BARX2: variants seen among roughly 807,000 people sequenced by gnomAD.
The protein encoded by BARX2 is BARX homeobox 2, also known as homeobox protein BarH-like 2.
Under a neutral mutation model 25.5 loss-of-function variants are expected in BARX2, and 11 were observed. The observed-to-expected ratio is 0.43, with a 90% CI of 0.27 to 0.71. The LOEUF is 0.71. BARX2 is among the 30% of genes least tolerant of loss of function. BARX2 has a pLI of 0.19. For missense variants in BARX2, 360 were observed against 359.9 expected (o/e 1.00, Z 0.00); for synonymous variants, 137 against 149.5 (o/e 0.92, Z 0.61).
intron 1 of BARX2, among the ~76,000 whole-genome samples, chr11:129,407,395 A>G (rs1481688237): frequency 1.3e-5 from 2 of 152,190 alleles, no homozygotes; most frequent in African/African-American, 2.4e-5. Flanking sequence ...TCCTTAGATG[A>G]CGTTGTTTCC....
chr11:129,438,740 T>A (rs1281386957), intron 2 of BARX2, among the ~76,000 whole-genome samples: 1 of 152,082 alleles, frequency 6.6e-6, no homozygotes, highest in African/African-American at 2.4e-5. Flanking sequence ...CAGAAAGGGA[T>A]CATGGGGAAG....
chr11:129,441,013 G>A (rs979254644), intron 2 of BARX2, among the ~76,000 whole-genome samples: 8 of 152,248 alleles, frequency 5.3e-5, no homozygotes, highest in African/African-American at 1.9e-4. Context: ...TGGCAGTGAG[G>A]CAGCTTATGT....
chr11:129,414,816 T>C, intron 1 of BARX2, among the ~76,000 whole-genome samples: 1 of 152,180 alleles, frequency 6.6e-6, no homozygotes. Context: ...CCCAAATACA[T>C]TATTACTAAT....
chr11:129,425,001 C>G (rs1287841054), intron 1 of BARX2, among the ~76,000 whole-genome samples: 2 of 152,176 alleles, frequency 1.3e-5, no homozygotes, highest in African/African-American at 4.8e-5. Context: ...TCTTCATTGT[C>G]TTTCATACTC....
At chr11:129,378,276 A>G (rs1023890790) in intron 1 of BARX2, among the ~76,000 whole-genome samples, 1 of 152,246 alleles carries the variant, frequency 6.6e-6, no homozygotes, top group African/African-American at 2.4e-5. Flanking sequence ...AATTAAACCC[A>G]TAAAAACTGG....
intron 2 of BARX2, among the ~76,000 whole-genome samples, chr11:129,441,047 G>A (rs1862251623): frequency 6.6e-6 from 1 of 152,228 alleles, no homozygotes; most frequent in Admixed American, 6.5e-5. Flanking sequence ...TGGCTCTCCA[G>A]TTGGTGCTGA....
intron 1 of BARX2, among the ~76,000 whole-genome samples, chr11:129,412,309 A>C (rs545666854): frequency 2.0e-5 from 3 of 152,252 alleles, no homozygotes; most frequent in African/African-American, 7.2e-5. Context: ...GTAGTTTATA[A>C]AATATAGGTA....
intron 1 of BARX2, among the ~76,000 whole-genome samples, chr11:129,382,244 T>C (rs1446937296): frequency 1.3e-5 from 2 of 152,116 alleles, no homozygotes; most frequent in Non-Finnish European, 2.9e-5. Flanking sequence ...AGTGGGGCGA[T>C]CTTGGCTCAC....
intron 3 of BARX2, among the ~76,000 whole-genome samples, chr11:129,448,947 A>G (rs574056926): frequency 1.6e-4 from 25 of 152,224 alleles, no homozygotes; most frequent in Non-Finnish European, 2.5e-4. Context: ...TGCACATATT[A>G]TATGATTCTG....
chr11:129,396,637 G>T (rs888367110), intron 1 of BARX2, among the ~76,000 whole-genome samples: 9 of 152,260 alleles, frequency 5.9e-5, no homozygotes, highest in Middle Eastern at 3.4e-3. Context: ...GTGGTGGGTG[G>T]GGGGACGGGG....
At chr11:129,441,976 C>A (rs1410553185) in intron 2 of BARX2, among the ~76,000 whole-genome samples, 4 of 152,096 alleles carry the variant, frequency 2.6e-5, no homozygotes, top group Non-Finnish European at 4.4e-5. Flanking sequence ...TTAGATTTAG[C>A]CCCAGAAATG....
intron 2 of BARX2, chr11:129,437,359 G>A: frequency 1.2e-6 from 1 of 815,178 alleles, no homozygotes; most frequent in Non-Finnish European, 1.5e-6. Context: ...CGGTCAGCTG[G>A]GAAACAGGCT....
chr11:129,451,444 G>C lies in BARX2; in HGVS notation c.*42G>C. The C allele has an allele frequency of 6.3e-7, 1 of 1,587,724 alleles. No homozygotes were observed. The highest frequency in any genetic ancestry group is 8.6e-7 in the Non-Finnish European group (1 of 1,163,418). On this transcript the variant is annotated 3_prime_UTR_variant, in exon 4 of 4. Coordinates refer to ENST00000281437, the MANE Select transcript of BARX2 (RefSeq NM_003658.5). The stretch of plus-strand genomic sequence containing the variant: ...GGGAAGAGGGAGACTGGGGAGAAGG[G>C]AAAAGAGAGAAGGCAGGGAGAGTAG...
At chr11:129,392,462 C>T (rs1346106386) in intron 1 of BARX2, among the ~76,000 whole-genome samples, 19 of 152,166 alleles carry the variant, frequency 1.2e-4, no homozygotes, top group Admixed American at 1.2e-3. Flanking sequence ...ATGTGTGGTA[C>T]AGGTGACACC....
At chr11:129,445,868 A>G (rs956802143) in intron 3 of BARX2, among the ~76,000 whole-genome samples, 1 of 142,192 alleles carries the variant, frequency 7.0e-6, no homozygotes, top group Non-Finnish European at 1.6e-5. Flanking sequence ...GTTTCCCAGT[A>G]AAACTCTTTT....
Position 129,451,119 on chromosome 11 carries a change from A to C in BARX2, c.574-17A>C. 6.2e-7 allele frequency: 1 copy of C among 1,604,472 alleles called. No individual in the cohort carries two copies. Among genetic ancestry groups the C allele is most frequent in the Non-Finnish European group, 8.5e-7 (1 of 1,173,426 alleles). On this transcript the variant is annotated splice_polypyrimidine_tract_variant and intron_variant, in intron 3 of 3. Coordinates refer to ENST00000281437, the MANE Select transcript of BARX2 (RefSeq NM_003658.5). The stretch of plus-strand genomic sequence containing the variant: ...GAATTATTTCTTAGATTCAATAACA[A>C]TTTTTTACTCACGTAGGTTCTTAAA...
At chr11:129,405,878 C>T (rs1007728195) in intron 1 of BARX2, among the ~76,000 whole-genome samples, 1 of 152,146 alleles carries the variant, frequency 6.6e-6, no homozygotes, top group Non-Finnish European at 1.5e-5. Context: ...GATCATGTAC[C>T]ATCTCCTTCC....
intron 3 of BARX2, among the ~76,000 whole-genome samples, chr11:129,444,365 A>G (rs1339437415): frequency 1.3e-5 from 2 of 152,176 alleles, no homozygotes; most frequent in African/African-American, 4.8e-5. Flanking sequence ...GGGGGACCTG[A>G]CCCTGAAATG....
At chr11:129,384,769 AC>A (rs1454339871) in intron 1 of BARX2, among the ~76,000 whole-genome samples, 1 of 152,176 alleles carries the variant, frequency 6.6e-6, no homozygotes, top group African/African-American at 2.4e-5. Context: ...AATACTTTAT[AC>A]CCTAAACCAT....
Sources: gnomAD v4.1 joint callset for allele counts (sites outside exome capture counted in the v4.1 genomes callset) on GRCh38, gnomAD v4.1.1 for gene constraint, MANE v1.5 for transcripts, NCBI Gene and HGNC (gene_info 2026-07-23, HGNC 2026-07-21) for gene names.